The following SYT6 variants were observed in gnomAD, a reference collection of about 807,000 sequenced individuals.
SYT6 encodes synaptotagmin-6.
SYT6 carries 24 observed loss-of-function variants against 38.4 expected under a neutral mutation model. The ratio of observed to expected loss-of-function variants is 0.62; its 90% CI spans 0.45 to 0.88. SYT6 has a LOEUF of 0.88. Among genes scored for constraint, SYT6 ranks in the 40% least tolerant of loss-of-function variants. The pLI is 0.00. For missense variants in SYT6, 611 were observed against 621.0 expected, an observed-to-expected ratio of 0.98 and a Z score of 0.17; for synonymous variants, 265 against 241.9, an observed-to-expected ratio of 1.10 and a Z score of -0.89.
At chr1:114,125,097 C>T (rs780821647) in intron 3 of SYT6, among the ~76,000 whole-genome samples, 3 of 152,214 alleles carry the variant, frequency 2.0e-5, no homozygotes, top group Non-Finnish European at 4.4e-5. Context: ...TTCCCTCCCA[C>T]CTCAAGTGCA....
At chr1:114,128,847 TG>T (rs1677908845) in intron 3 of SYT6, among the ~76,000 whole-genome samples, 1 of 152,252 alleles carries the variant, frequency 6.6e-6, no homozygotes, top group Non-Finnish European at 1.5e-5. Context: ...GGTTAAATCC[TG>T]TTCCTTTCCT....
Position 114,091,960 on chromosome 1 carries a change from A to C in SYT6, c.*174T>G. ...ACAACACTGTTTAGACGGTTGAACAAGTGCAAAGAGAACATTGCTGAGTCC... is the reference window on the plus strand; with the variant it reads ...ACAACACTGTTTAGACGGTTGAACACGTGCAAAGAGAACATTGCTGAGTCC... On this transcript the variant is annotated 3_prime_UTR_variant, in exon 8 of 8. Transcript: ENST00000610222. 2.6e-6 allele frequency: 4 copies of C among 1,520,768 alleles called. No individual in the cohort carries two copies. The highest frequency in any genetic ancestry group is 3.5e-6 in the Non-Finnish European group (4 of 1,132,876). 94.2% of individuals were successfully genotyped at this position (1,520,768 alleles called of 1,614,324 possible). A position where few individuals can be genotyped will look rare whatever the true frequency, so the allele number is the denominator to read the frequency against.
chr1:114,125,420 C>T (rs930023077), intron 3 of SYT6, among the ~76,000 whole-genome samples: 3 of 152,196 alleles, frequency 2.0e-5, no homozygotes, highest in Non-Finnish European at 4.4e-5. Context: ...GATTTCAGTG[C>T]AGCCCTAGAG....
chr1:114,090,738 C>T lies in SYT6; in HGVS notation c.*1396G>A, dbSNP rs1257258304. Reference sequence around the variant, plus strand: ...CCTCCATGCGCTTACTGGGGTTATACAAACTGAGATTGAGCAAATCAACCT... The same window carrying T: ...CCTCCATGCGCTTACTGGGGTTATATAAACTGAGATTGAGCAAATCAACCT... On this transcript the variant is annotated 3_prime_UTR_variant, in exon 8 of 8. Transcript: ENST00000610222. 2.0e-5 allele frequency: 3 copies of T among 152,388 alleles called. No homozygotes were observed. The highest frequency in any genetic ancestry group is 6.5e-5 in the Admixed American group (1 of 15,282). The allele number at this position is 152,388 out of a possible 1,614,324, so 9.4% of individuals were successfully genotyped here. A position where few individuals can be genotyped will look rare whatever the true frequency, so the allele number is the denominator to read the frequency against.
intron 3 of SYT6, among the ~76,000 whole-genome samples, chr1:114,132,007 T>C (rs1370401928): frequency 1.3e-5 from 2 of 152,260 alleles, no homozygotes; most frequent in Admixed American, 6.5e-5. Flanking sequence ...GGTGCAAGGA[T>C]CATGAGTTCA....
At chr1:114,146,662 GAA>G (rs1442309325) in intron 1 of SYT6, among the ~76,000 whole-genome samples, 1 of 152,168 alleles carries the variant, frequency 6.6e-6, no homozygotes, top group Non-Finnish European at 1.5e-5. Context: ...GCCCAGCACT[GAA>G]AAAGAGAAAG....
At chr1:114,132,714 A>C (rs1678226740) in intron 3 of SYT6, among the ~76,000 whole-genome samples, 1 of 152,240 alleles carries the variant, frequency 6.6e-6, no homozygotes, top group Non-Finnish European at 1.5e-5. Flanking sequence ...GGAGTGGTAC[A>C]GAAGTGACAC....
At chr1:114,146,434 T>G (rs1679159007) in intron 1 of SYT6, among the ~76,000 whole-genome samples, 1 of 152,210 alleles carries the variant, frequency 6.6e-6, no homozygotes, top group Non-Finnish European at 1.5e-5. Flanking sequence ...GCCAACCCAC[T>G]GGGACATGTC....
At position 114,153,807 on chromosome 1, in the gene SYT6, G is replaced by T. The variant is rs1679572752; in HGVS notation, c.-35C>A. 4 of 614,544 alleles carry T rather than the reference G, an allele frequency of 6.5e-6. No individual in the cohort carries two copies. In the East Asian group the frequency reaches 1.3e-4, roughly 20 times the overall value. The allele number at this position is 614,544 out of a possible 1,614,324, so 38.1% of individuals were successfully genotyped here. Reference sequence around the variant, plus strand: ...ACCCAGGCTTGCCGAGCAGCAGCTCGAACCCGCGCCCCGGCCGCACTGGGG... The same window carrying T: ...ACCCAGGCTTGCCGAGCAGCAGCTCTAACCCGCGCCCCGGCCGCACTGGGG... On this transcript the variant is annotated 5_prime_UTR_variant, in exon 1 of 8. Transcript: ENST00000610222.
At chr1:114,131,302 C>T (rs1052147532) in intron 3 of SYT6, among the ~76,000 whole-genome samples, 13 of 152,142 alleles carry the variant, frequency 8.5e-5, no homozygotes, top group Admixed American at 7.9e-4. Context: ...TCTCTAGATC[C>T]TTCCCCAAGT....
Position 114,091,036 on chromosome 1 carries a change from A to G in SYT6, c.*1098T>C, listed in dbSNP as rs922012829. On this transcript the variant is annotated 3_prime_UTR_variant, in exon 8 of 8. Coordinates refer to ENST00000610222, the MANE Select transcript of SYT6 (RefSeq NM_001253772.2). ...GGTTTCAATCAAAAACATACTCTTC[A>G]TAGAAAGATGGACTCAAACTGCTAT... 1.0e-4 allele frequency: 16 copies of G among 152,978 alleles called. No individual in the cohort carries two copies. The highest frequency in any genetic ancestry group is 1.6e-4 in the Non-Finnish European group (11 of 68,048). The allele number at this position is 152,978 out of a possible 1,614,324, so 9.5% of individuals were successfully genotyped here. A position where few individuals can be genotyped will look rare whatever the true frequency, so the allele number is the denominator to read the frequency against.
chr1:114,136,139 C>T (rs539667813), intron 3 of SYT6, among the ~76,000 whole-genome samples: 3 of 152,188 alleles, frequency 2.0e-5, no homozygotes, highest in South Asian at 2.1e-4. Flanking sequence ...ATGAGAATGG[C>T]GTGTCCCCCA....
At chr1:114,150,818 T>C (rs1679406430) in intron 1 of SYT6, among the ~76,000 whole-genome samples, 1 of 152,100 alleles carries the variant, frequency 6.6e-6, no homozygotes, top group African/African-American at 2.4e-5. Context: ...GTTTGGACAG[T>C]TTGTGTACAG....
intron 3 of SYT6, among the ~76,000 whole-genome samples, chr1:114,123,817 C>T (rs1677560260): frequency 6.6e-6 from 1 of 152,214 alleles, no homozygotes; most frequent in Admixed American, 6.5e-5. Context: ...ACAACACTGC[C>T]TCAGGGTCTC....
At chr1:114,142,380 A>C (rs1376123587) in intron 1 of SYT6, among the ~76,000 whole-genome samples, 1 of 152,232 alleles carries the variant, frequency 6.6e-6, no homozygotes, top group Admixed American at 6.5e-5. Flanking sequence ...CAGAATTAGA[A>C]GTGGAGCCTG....
intron 3 of SYT6, among the ~76,000 whole-genome samples, chr1:114,107,536 T>G (rs1385172376): frequency 6.6e-6 from 1 of 151,850 alleles, no homozygotes; most frequent in Non-Finnish European, 1.5e-5. Context: ...CACGGGGGAG[T>G]GGCTGGCCCT....
intron 1 of SYT6, chr1:114,152,541 G>A (rs1482366462): frequency 6.6e-6 from 1 of 151,228 alleles, no homozygotes; most frequent in East Asian, 2.0e-4. Context: ...CTCCCGCCCC[G>A]GACCCTCCAG....
chr1:114,128,508 G>C (rs1677883503), intron 3 of SYT6, among the ~76,000 whole-genome samples: 1 of 152,142 alleles, frequency 6.6e-6, no homozygotes, highest in Admixed American at 6.5e-5. Context: ...CCCATTTCAA[G>C]AGTTGCACCC....
intron 3 of SYT6, among the ~76,000 whole-genome samples, chr1:114,118,624 G>A (rs1677154364): frequency 1.3e-5 from 2 of 152,188 alleles, no homozygotes. Context: ...TGGGGCTCCT[G>A]CTGCTGCTGC....
Sources: allele counts gnomAD v4.1 joint callset (sites outside exome capture counted in the v4.1 genomes callset), GRCh38; gene constraint gnomAD v4.1.1; transcripts MANE v1.5; gene names NCBI Gene and HGNC (gene_info 2026-07-23, HGNC 2026-07-21).